PLPP7: variants seen among roughly 807,000 people sequenced by gnomAD.
The protein encoded by PLPP7 is inactive phospholipid phosphatase 7.
PLPP7 carries 11 observed loss-of-function variants against 16.9 expected under a neutral mutation model. The ratio of observed to expected loss-of-function variants is 0.65; its 90% CI spans 0.41 to 1.08. The LOEUF (loss-of-function observed/expected upper bound fraction) is 1.08. Among genes scored for constraint, PLPP7 ranks in the 50% least tolerant of loss-of-function variants. The pLI, the probability that PLPP7 is intolerant of heterozygous loss-of-function variation, is 0.00. For missense variants in PLPP7, 358 were observed against 397.1 expected, an observed-to-expected ratio of 0.90 and a Z score of 0.84; for synonymous variants, 174 against 175.1, an observed-to-expected ratio of 0.99 and a Z score of 0.05.
Position 131,290,034 on chromosome 9 carries a change from C to T in PLPP7, c.37C>T (p.Arg13Cys), listed in dbSNP as rs764040842. ...ASQSRARARDRNNVLNRAEFL... is the reference protein window; with the variant it reads ...ASQSRARARDCNNVLNRAEFL... Reference sequence around the variant, plus strand: ...CCAGAGCCGGGCCCGTGCCCGGGACCGCAACAACGTCCTCAACCGGGCTGA... The same window carrying T: ...CCAGAGCCGGGCCCGTGCCCGGGACTGCAACAACGTCCTCAACCGGGCTGA... Residue 13 changes from arginine to cysteine, a missense_variant, in exon 1 of 2, where the codon CGC (arginine) becomes TGC (cysteine). By Grantham distance (180) the Arg-to-Cys change is radical. Coordinates refer to ENST00000372264, the MANE Select transcript of PLPP7 (RefSeq NM_032728.4). The surrounding 1 kb of genome is among the most constrained non-coding windows in gnomAD (Gnocchi z 4.2). 1.5e-5 allele frequency: 21 copies of T among 1,443,476 alleles called. No homozygotes were observed. The highest frequency in any genetic ancestry group is 3.1e-5 in the South Asian group (2 of 65,570). The allele number at this position is 1,443,476 out of a possible 1,614,324, so 89.4% of individuals were successfully genotyped here. A position where few individuals can be genotyped will look rare whatever the true frequency, so the allele number is the denominator to read the frequency against.
At chr9:131,296,798 C>A (rs1436102777) in intron 1 of PLPP7, among the ~76,000 whole-genome samples, 1 of 152,214 alleles carries the variant, frequency 6.6e-6, no homozygotes, top group Admixed American at 6.5e-5. Flanking sequence ...CCCTCCATGT[C>A]CCTCGCACCA....
chr9:131,291,517 G>C, intron 1 of PLPP7: 1 of 627,300 alleles, frequency 1.6e-6, no homozygotes, highest in Non-Finnish European at 2.0e-6. Context: ...ACTTCATGCA[G>C]GAGATGGCTG....
Position 131,307,992 on chromosome 9 carries a change from C to G in PLPP7, c.521C>G (p.Thr174Arg). The G allele has an allele frequency of 1.2e-6, 2 of 1,600,230 alleles. No individual in the cohort carries two copies. The highest frequency in any genetic ancestry group is 1.7e-6 in the Non-Finnish European group (2 of 1,179,722). The change falls in exon 2 of 2, where the codon ACG (threonine) becomes AGG (arginine). Residue 174 changes from threonine (T) to arginine (R), a missense_variant. Transcript: ENST00000372264. ...KLIKRRGPYE[T>R]SPSLLDYLTM... ...ATCAAGCGGCGCGGCCCGTACGAGA[C>G]GAGCCCCAGCCTCCTGGACTACCTC...
chr9:131,302,600 C>T (rs1246558652), intron 1 of PLPP7, among the ~76,000 whole-genome samples: 6 of 152,192 alleles, frequency 3.9e-5, no homozygotes, highest in South Asian at 4.1e-4. Flanking sequence ...GAACAGCTGC[C>T]GTGAAATTGG....
chr9:131,297,411 A>G (rs554464926), intron 1 of PLPP7, among the ~76,000 whole-genome samples: 19 of 140,208 alleles, frequency 1.4e-4, no homozygotes, highest in African/African-American at 4.3e-4. Flanking sequence ...TTCTGAAGAG[A>G]GTCTTGCTCT....
intron 1 of PLPP7, among the ~76,000 whole-genome samples, chr9:131,306,520 G>C (rs1019200095): frequency 6.0e-5 from 9 of 151,234 alleles, no homozygotes; most frequent in Non-Finnish European, 1.3e-4. Context: ...CTGGGCAACA[G>C]AACGAGACTC....
intron 1 of PLPP7, chr9:131,291,257 C>G: frequency 1.5e-6 from 2 of 1,321,964 alleles, no homozygotes; most frequent in Non-Finnish European, 2.0e-6. Flanking sequence ...TTCCACCCTC[C>G]ACGCCAGGCC....
chr9:131,298,182 G>A (rs1038083552), intron 1 of PLPP7, among the ~76,000 whole-genome samples: 1 of 152,096 alleles, frequency 6.6e-6, no homozygotes, highest in Non-Finnish European at 1.5e-5. Flanking sequence ...TCCTGCAAGG[G>A]GAAGAGCTGA....
At chr9:131,291,451 A>G in intron 1 of PLPP7, 3 of 1,103,136 alleles carry the variant, frequency 2.7e-6, no homozygotes, top group Non-Finnish European at 3.4e-6. Flanking sequence ...CTCTAGTCTC[A>G]GTCTGGAGGC....
intron 1 of PLPP7, 123 bp from the exon 2 acceptor site, chr9:131,307,800 C>G: frequency 1.0e-6 from 1 of 998,984 alleles, no homozygotes; most frequent in Non-Finnish European, 1.4e-6. Context: ...GCCTGGGGGT[C>G]AGTGTGGCTG....
rs1835655844 is a variant in PLPP7 at position 131,290,323 on chromosome 9, C to T, written c.326C>T (p.Ala109Val). Residue 109 changes from alanine (A) to valine (V), a missense_variant, in exon 1 of 2, where the codon GCC (alanine) becomes GTC (valine). By Grantham distance (64) the Ala-to-Val change is moderately conservative. Coordinates refer to ENST00000372264, the MANE Select transcript of PLPP7 (RefSeq NM_032728.4). The surrounding 1 kb of genome is among the most constrained non-coding windows in gnomAD (Gnocchi z 4.2). ...GGCCGGGCGGCGTCCTGGGCCAGTG[C>T]CCGCTCCATGGTCAAGCTCATCGGC... The part of the protein sequence containing the change: ...CAGRAASWAS[A>V]RSMVKLIGIT... The T allele has an allele frequency of 6.2e-7, 1 of 1,611,446 alleles. No individual in the cohort carries two copies. The highest frequency in any genetic ancestry group is 1.1e-5 in the South Asian group (1 of 90,656).
chr9:131,293,878 C>A (rs1260863506), intron 1 of PLPP7, among the ~76,000 whole-genome samples: 1 of 152,166 alleles, frequency 6.6e-6, no homozygotes, highest in Admixed American at 6.5e-5. Context: ...TAGCCCTGCC[C>A]ACCCGCTCTG....
At chr9:131,294,242 C>T (rs1452604957) in intron 1 of PLPP7, among the ~76,000 whole-genome samples, 3 of 152,136 alleles carry the variant, frequency 2.0e-5, no homozygotes, top group Non-Finnish European at 4.4e-5. Flanking sequence ...TGTGGGAACT[C>T]AGGCAAGTGA....
intron 1 of PLPP7, among the ~76,000 whole-genome samples, chr9:131,305,946 A>T (rs953310156): frequency 4.8e-5 from 7 of 147,000 alleles, no homozygotes; most frequent in African/African-American, 1.5e-4. Context: ...TCCGTCTCTT[A>T]AAAAAAAAAC....
At chr9:131,299,849 A>G (rs1835776676) in intron 1 of PLPP7, among the ~76,000 whole-genome samples, 1 of 152,212 alleles carries the variant, frequency 6.6e-6, no homozygotes, top group Non-Finnish European at 1.5e-5. Context: ...GGAAAAGTGA[A>G]TGAACCAGGC....
intron 1 of PLPP7, chr9:131,293,085 T>C: frequency 2.1e-6 from 1 of 482,434 alleles, no homozygotes. Context: ...TCAAGGTAAA[T>C]ATTAATATGC....
chr9:131,294,230 G>A (rs1010203745), intron 1 of PLPP7, among the ~76,000 whole-genome samples: 21 of 152,258 alleles, frequency 1.4e-4, no homozygotes, highest in African/African-American at 4.8e-4. Context: ...TCCCAGCCCT[G>A]CTGTGGGAAC....
At position 131,308,657 on chromosome 9, in the gene PLPP7, T is replaced by A; in HGVS notation, c.*370T>A. On this transcript the variant is annotated 3_prime_UTR_variant, in exon 2 of 2. Transcript: ENST00000372264. The stretch of plus-strand genomic sequence containing the variant: ...ATCATGACTGTTGAGTTCTTGGCTG[T>A]GCCCATCACGCCACAGCACGACGCC... 4.0e-6 allele frequency: 1 copy of A among 247,276 alleles called. No homozygotes were observed. The allele number at this position is 247,276 out of a possible 1,614,324, so 15.3% of individuals were successfully genotyped here.
rs371774184 is a variant in PLPP7 at position 131,300,871 on chromosome 9, T to C, written c.452-7052T>C. Among the ~76,000 whole-genome samples, 4 of 152,050 alleles carry C rather than the reference T, an allele frequency of 2.6e-5. No homozygotes were observed. In the East Asian group the frequency reaches 7.7e-4, roughly 29 times the overall value. On this transcript the variant is annotated intron_variant, in intron 1 of 1. Coordinates refer to ENST00000372264, the MANE Select transcript of PLPP7 (RefSeq NM_032728.4). ...GGCCCAGTGTACCCCCCGGGTGACTTAGTAAAGTCAGCCTTTCCTCCCCAC... is the reference window on the plus strand; with the variant it reads ...GGCCCAGTGTACCCCCCGGGTGACTCAGTAAAGTCAGCCTTTCCTCCCCAC...
Sources: gnomAD v4.1 joint callset for allele counts (sites outside exome capture counted in the v4.1 genomes callset) on GRCh38, gnomAD v4.1.1 for gene constraint, Gnocchi (gnomAD v3.1) non-coding constraint, MANE v1.5 for transcripts, NCBI Gene and HGNC (gene_info 2026-07-23, HGNC 2026-07-21) for gene names.